Variants in YEATS4 observed in about 807,000 individuals in gnomAD.
YEATS4 encodes the protein YEATS domain containing 4, also known as YEATS domain-containing protein 4.
A neutral mutation model predicts 30.1 loss-of-function variants in YEATS4; 17 were observed. That is an observed-to-expected ratio of 0.56 (90% CI 0.39 to 0.85). The LOEUF (loss-of-function observed/expected upper bound fraction) is 0.85, where lower values mean the gene tolerates loss of function less well. Among genes scored for constraint, YEATS4 ranks in the 40% least tolerant of loss-of-function variants. The probability of loss-of-function intolerance (pLI) is 0.00; values close to 1 mark genes in which losing one functional copy is unlikely to be tolerated. For synonymous variants in YEATS4, 85 were observed against 87.5 expected (o/e 0.97, Z 0.16); for missense variants, 142 against 268.3 (o/e 0.53, Z 3.29).
intron 6 of YEATS4, among the ~76,000 whole-genome samples, chr12:69,374,512 A>G (rs1693528616): frequency 1.3e-5 from 2 of 152,044 alleles, no homozygotes; most frequent in African/African-American, 4.8e-5. Context: ...GCAGATAAAC[A>G]TGTGAACAAA....
At chr12:69,360,353 G>C (rs545508888) in intron 1 of YEATS4, among the ~76,000 whole-genome samples, 3 of 152,272 alleles carry the variant, frequency 2.0e-5, no homozygotes, top group South Asian at 4.2e-4. Context: ...TGCCAATCTA[G>C]GTTATTGGTG....
intron 6 of YEATS4, among the ~76,000 whole-genome samples, chr12:69,388,606 A>G (rs1243292715): frequency 1.3e-5 from 2 of 152,240 alleles, no homozygotes; most frequent in African/African-American, 4.8e-5. Context: ...TTTTCTTTGT[A>G]AAACATCATG....
Position 69,359,764 on chromosome 12 carries a change from C to G in YEATS4, c.-209C>G. The G allele has an allele frequency of 5.2e-6, 3 of 581,392 alleles. No homozygotes were observed. The highest frequency in any genetic ancestry group is 8.9e-6 in the Non-Finnish European group (3 of 338,630). 36.0% of individuals were successfully genotyped at this position (581,392 alleles called of 1,614,324 possible). A position where few individuals can be genotyped will look rare whatever the true frequency, so the allele number is the denominator to read the frequency against. ...GCCCCTCTTTTCGCGGCGTTCTCCACCTGCGCGGGCCTGAATGGCCTTCAG... is the reference window on the plus strand; with the variant it reads ...GCCCCTCTTTTCGCGGCGTTCTCCAGCTGCGCGGGCCTGAATGGCCTTCAG... On this transcript the variant is annotated 5_prime_UTR_variant, in exon 1 of 7. Transcript: ENST00000247843.
the YEATS4 span, among the ~76,000 whole-genome samples, chr12:69,411,866 G>C: frequency 6.6e-6 from 1 of 152,250 alleles, no homozygotes; most frequent in East Asian, 1.9e-4. Flanking sequence ...AAGTGAGCAA[G>C]GGGAAGGTAG....
At chr12:69,388,057 A>ATTTTTTTT in intron 6 of YEATS4, among the ~76,000 whole-genome samples, 2 of 65,986 alleles carry the variant, frequency 3.0e-5, no homozygotes, top group Non-Finnish European at 6.8e-5. Context: ...TATTTTTTTT[A>ATTTTTTTT]TTTTTATTTT....
the YEATS4 span, among the ~76,000 whole-genome samples, chr12:69,423,711 A>G: frequency 6.6e-6 from 1 of 152,224 alleles, no homozygotes; most frequent in African/African-American, 2.4e-5. Context: ...TAACAGTGAC[A>G]TCATCAGTTT....
chr12:69,397,573 C>T, the YEATS4 span, among the ~76,000 whole-genome samples: 2 of 152,216 alleles, frequency 1.3e-5, no homozygotes, highest in African/African-American at 2.4e-5. Flanking sequence ...TAAGACATGC[C>T]TTTGCTCATC....
At chr12:69,419,135 C>T in the YEATS4 span, among the ~76,000 whole-genome samples, 1 of 149,878 alleles carries the variant, frequency 6.7e-6, no homozygotes, top group Non-Finnish European at 1.5e-5. Context: ...TGAGGCCTCA[C>T]TTTCCTGTTC....
the YEATS4 span, among the ~76,000 whole-genome samples, chr12:69,407,844 G>A: frequency 6.6e-6 from 1 of 150,908 alleles, no homozygotes; most frequent in South Asian, 2.1e-4. Context: ...AGCCCCCTGA[G>A]TAGCTGGGAT....
intron 1 of YEATS4, among the ~76,000 whole-genome samples, chr12:69,362,205 G>A (rs685934): frequency 0.46 from 69,838 of 151,544 alleles, 16,118 homozygotes; most frequent in Non-Finnish European, 0.5. Flanking sequence ...TTTAGTAGAG[G>A]TGGGGTTTCA....
In YEATS4 at chr12:69,365,970, C is replaced by T; in HGVS notation, c.333+86C>T. On this transcript the variant is annotated intron_variant, in intron 4 of 6. Coordinates refer to ENST00000247843, the MANE Select transcript of YEATS4 (RefSeq NM_006530.4). ...TAATACTTAATGAATAGTGTTCATT[C>T]AGATGTGTTTTATGTAAATTTATGG... The T allele has an allele frequency of 5.9e-6, 6 of 1,010,356 alleles. 1 individual carries two copies. The highest frequency in any genetic ancestry group is 8.5e-6 in the Non-Finnish European group (6 of 707,434). 62.6% of individuals were successfully genotyped at this position (1,010,356 alleles called of 1,614,324 possible). A position where few individuals can be genotyped will look rare whatever the true frequency, so the allele number is the denominator to read the frequency against.
chr12:69,365,621 CT>C lies in YEATS4; in HGVS notation c.172-10del, dbSNP rs780625180. 2.5e-5 allele frequency: 39 copies of C among 1,584,354 alleles called. No homozygotes were observed. The highest frequency in any genetic ancestry group is 3.3e-5 in the Non-Finnish European group (38 of 1,156,622). On this transcript the variant is annotated splice_polypyrimidine_tract_variant and intron_variant, in intron 2 of 6. Transcript: ENST00000247843. ...TGTAGATCATAAAACTAACTAATTC[CT>C]TATATTTTAGGATATGTCAGCATAT...
the YEATS4 span, among the ~76,000 whole-genome samples, chr12:69,423,200 C>T: frequency 6.6e-6 from 1 of 152,056 alleles, no homozygotes; most frequent in Non-Finnish European, 1.5e-5. Flanking sequence ...CCAATAAAGA[C>T]CTGGTTGAGT....
At chr12:69,419,308 C>T in the YEATS4 span, among the ~76,000 whole-genome samples, 2 of 151,214 alleles carry the variant, frequency 1.3e-5, no homozygotes, top group Non-Finnish European at 2.9e-5. Context: ...GCAGCCTCAA[C>T]CTCCTGGGCT....
the YEATS4 span, among the ~76,000 whole-genome samples, chr12:69,415,161 CAG>C: frequency 1.3e-5 from 2 of 152,192 alleles, no homozygotes; most frequent in East Asian, 1.9e-4. Context: ...GAGAAAGAAA[CAG>C]GGGATGTTGA....
chr12:69,362,380 A>G (rs1198132593), intron 1 of YEATS4, among the ~76,000 whole-genome samples: 2 of 152,212 alleles, frequency 1.3e-5, no homozygotes, highest in East Asian at 3.8e-4. Context: ...TACCTCTCAC[A>G]AATTACTCCT....
the YEATS4 span, chr12:69,422,698 C>A: frequency 6.8e-6 from 1 of 148,044 alleles, no homozygotes; most frequent in Middle Eastern, 2.0e-3. Flanking sequence ...CAAAAAGGGC[C>A]AAGGCCACAC....
the YEATS4 span, among the ~76,000 whole-genome samples, chr12:69,425,125 A>G: frequency 2.0e-5 from 3 of 151,720 alleles, no homozygotes; most frequent in African/African-American, 7.3e-5. Context: ...GTTTCTCCGT[A>G]TTGGTCAGGC....
intron 1 of YEATS4, among the ~76,000 whole-genome samples, chr12:69,362,022 T>TA (rs1317200771): frequency 7.0e-6 from 1 of 143,052 alleles, no homozygotes; most frequent in Non-Finnish European, 1.5e-5. Flanking sequence ...TGTTTTTTTT[T>TA]TTTTTTTTTT....
Sources: allele counts gnomAD v4.1 joint callset (sites outside exome capture counted in the v4.1 genomes callset), GRCh38; gene constraint gnomAD v4.1.1; transcripts MANE v1.5; gene names NCBI Gene and HGNC (gene_info 2026-07-23, HGNC 2026-07-21).